TLN1: variants seen among roughly 807,000 people sequenced by gnomAD.
TLN1 encodes talin 1.
TLN1 carries 56 observed loss-of-function variants against 292.3 expected under a neutral mutation model. The ratio of observed to expected loss-of-function variants is 0.19; its 90% CI spans 0.15 to 0.24. TLN1 has a LOEUF of 0.24. Among genes scored for constraint, TLN1 ranks in the 10% least tolerant of loss-of-function variants. The probability of loss-of-function intolerance (pLI) is 1.00; values close to 1 mark genes in which losing one functional copy is unlikely to be tolerated. For synonymous variants in TLN1, 1,119 were observed against 1,253.7 expected, an observed-to-expected ratio of 0.89 and a Z score of 2.27; for missense variants, 2,433 against 3,248.2, an observed-to-expected ratio of 0.75 and a Z score of 6.10.
rs1825747879 is a variant in TLN1 at position 35,714,770 on chromosome 9, T to C, written c.2861A>G (p.Gln954Arg). The change falls in exon 22 of 57, where the codon CAG becomes CGG. Residue 954 changes from glutamine to arginine, a missense_variant. Physicochemically the swap from Gln to Arg is conservative, Grantham distance 43 (BLOSUM62 1). Around this residue, in one of 7 missense-constraint regions of TLN1, gnomAD observed 617 missense variants for 770.6 expected, o/e 0.80. Coordinates refer to ENST00000314888, the MANE Select transcript of TLN1 (RefSeq NM_006289.4). The surrounding 1 kb of genome is among the most constrained non-coding windows in gnomAD (Gnocchi z 4.6). ...TTCCTAGAGTCTTACCTTGCAGCTCTGCACCAGCAGGGGCTGGGGGCCGGC... is the reference window on the plus strand; with the variant it reads ...TTCCTAGAGTCTTACCTTGCAGCTCCGCACCAGCAGGGGCTGGGGGCCGGC... ...ASAGPQPLLV[Q>R]SCKAVAEQIP... The C allele has an allele frequency of 1.3e-6, 2 of 1,595,824 alleles. No individual in the cohort carries two copies. The highest frequency in any genetic ancestry group is 1.7e-6 in the Non-Finnish European group (2 of 1,170,042).
chr9:35,719,226 A>T lies in TLN1; in HGVS notation c.1744T>A (p.Ser582Thr), dbSNP rs1030761518. Residue 582 changes from serine to threonine, a missense_variant, in exon 16 of 57, where the codon TCC becomes ACC. Physicochemically the swap from Ser to Thr is moderately conservative, Grantham distance 58. Transcript: ENST00000314888. This position sits in a 1 kb window ranked among gnomAD's most constrained non-coding sequence, Gnocchi z 4.6. The stretch of plus-strand genomic sequence containing the variant: ...CCACGGGACATCTCCGTCAGGTTGG[A>T]GGAGATTGTGGTGACTGCACAGCCC... ...AVGCAVTTIS[S>T]NLTEMSRGVK... is the part of the protein sequence containing the mutation. The T allele has an allele frequency of 6.2e-7, 1 of 1,614,048 alleles. No homozygotes were observed. The highest frequency in any genetic ancestry group is 8.5e-7 in the Non-Finnish European group (1 of 1,180,024).
chr9:35,701,662 A>T (rs1451360689), intron 48 of TLN1, among the ~76,000 whole-genome samples: 2 of 152,268 alleles, frequency 1.3e-5, no homozygotes, highest in Non-Finnish European at 2.9e-5. Flanking sequence ...GACTGGATAG[A>T]GACTACTGCA....
chr9:35,698,655 G>T lies in TLN1; in HGVS notation c.7150C>A (p.Leu2384Met). ...GKVGAIPANA[L>M]DDGQWSQGLI... ...CCCTGGGACCACTGCCCATCGTCCAGTGCATTGGCTGGAATGGCACCCACC... is the reference window on the plus strand; with the variant it reads ...CCCTGGGACCACTGCCCATCGTCCATTGCATTGGCTGGAATGGCACCCACC... The change falls in exon 54 of 57, where the codon CTG (leucine) becomes ATG (methionine). Residue 2384 changes from leucine to methionine, a missense_variant. Leu to Met is a conservative substitution (Grantham distance 15). Coordinates refer to ENST00000314888, the MANE Select transcript of TLN1 (RefSeq NM_006289.4). This position sits in a 1 kb window ranked among gnomAD's most constrained non-coding sequence, Gnocchi z 5.3. The T allele has an allele frequency of 6.2e-7, 1 of 1,614,162 alleles. No homozygotes were observed. The highest frequency in any genetic ancestry group is 1.1e-5 in the South Asian group (1 of 91,082).
chr9:35,720,993 T>C, intron 10 of TLN1, 80 bp from the exon 11 acceptor site: 1 of 1,108,448 alleles, frequency 9.0e-7, no homozygotes, highest in Non-Finnish European at 1.4e-6. Flanking sequence ...AGGCCCAAGG[T>C]TGAGCTGATG....
chr9:35,707,059 C>T lies in TLN1; in HGVS notation c.4955+13G>A. 1 of 1,611,244 alleles carries T rather than the reference C, an allele frequency of 6.2e-7. No homozygotes were observed. The highest frequency in any genetic ancestry group is 8.5e-7 in the Non-Finnish European group (1 of 1,179,230). ...ATGCCCCCCAGCCACACTGGTTCCC[C>T]ATCCCTCAATACCTCATGCTTGTAA... On this transcript the variant is annotated intron_variant, in intron 37 of 56. Transcript: ENST00000314888. This position sits in a 1 kb window ranked among gnomAD's most constrained non-coding sequence, Gnocchi z 5.6.
chr9:35,703,529 C>G (rs751249968), intron 48 of TLN1, 31 bp downstream of exon 48: 1 of 1,591,568 alleles, frequency 6.3e-7, no homozygotes, highest in Non-Finnish European at 8.6e-7. Flanking sequence ...CTCTCTGACC[C>G]TAGTCACTGA....
Position 35,713,022 on chromosome 9 carries a change from G to A in TLN1, c.3374C>T (p.Ala1125Val). The A allele has an allele frequency of 6.2e-7, 1 of 1,608,944 alleles. No homozygotes were observed. Among genetic ancestry groups the A allele is most frequent in the Non-Finnish European group, 8.5e-7 (1 of 1,177,960 alleles). Residue 1125 changes from alanine to valine, a missense_variant, in exon 27 of 57, where the codon GCA (alanine) becomes GTA (valine). Ala to Val is a moderately conservative substitution (Grantham distance 64). Coordinates refer to ENST00000314888, the MANE Select transcript of TLN1 (RefSeq NM_006289.4). ...CTGGGCCAGTGACCGCAGCCCACCT[G>A]CCACATCCCGAGCTGCAATACCTTG... is the stretch of plus-strand genomic sequence containing the variant. ...NYAGIAARDV[A>V]GGLRSLAQAA...
rs771977833 is a variant in TLN1 at position 35,705,847 on chromosome 9, T to C, written c.5516A>G (p.Asp1839Gly). ...TTCTGGTTCACCCATTGGTCCTTCA[T>C]CTAGCTGAGGGGGGAGGATAGGGAA... Reference protein sequence around the residue: ...DSITQAINQLDEGPMGEPEGS... With the variant: ...DSITQAINQLGEGPMGEPEGS... The change falls in exon 42 of 57, where the codon GAT becomes GGT. Residue 1839 changes from aspartate (D) to glycine (G), a missense_variant. Physicochemically the swap from Asp to Gly is moderately conservative, Grantham distance 94 (BLOSUM62 -1). Transcript: ENST00000314888. 1.5e-5 allele frequency: 24 copies of C among 1,614,188 alleles called. No homozygotes were observed. In the Middle Eastern group the frequency reaches 4.9e-4, roughly 33 times the overall value.
In TLN1 at chr9:35,700,177, T is replaced by G. The variant is rs1299330386; in HGVS notation, c.6660+14A>C. On this transcript the variant is annotated intron_variant, in intron 49 of 56. Transcript: ENST00000314888. ...CCCAAAGCTGCCTCACGGAAATGCCTCAAGGATTTCTACCTTGCAAGCCCG... is the reference window on the plus strand; with the variant it reads ...CCCAAAGCTGCCTCACGGAAATGCCGCAAGGATTTCTACCTTGCAAGCCCG... 3.1e-6 allele frequency: 5 copies of G among 1,595,242 alleles called. No homozygotes were observed. The highest frequency in any genetic ancestry group is 4.3e-6 in the Non-Finnish European group (5 of 1,164,570).
intron 48 of TLN1, among the ~76,000 whole-genome samples, chr9:35,702,984 T>A (rs1310249970): frequency 2.0e-5 from 3 of 151,998 alleles, no homozygotes; most frequent in Non-Finnish European, 4.4e-5. Flanking sequence ...TGCTAAGGAA[T>A]AAACAAGTGG....
In TLN1 at chr9:35,724,735, A is replaced by G. The variant is rs746066961; in HGVS notation, c.359-11T>C. ...CATGATTGGTGATGCCTGAGGAAGG[A>G]GATGGCTTGTTAGCTTCCCAGGTAC... is the stretch of plus-strand genomic sequence containing the variant. On this transcript the variant is annotated splice_polypyrimidine_tract_variant and intron_variant, in intron 4 of 56. Transcript: ENST00000314888. The surrounding 1 kb of genome is among the most constrained non-coding windows in gnomAD (Gnocchi z 4.7). The G allele has an allele frequency of 1.9e-4, 305 of 1,613,918 alleles. No homozygotes were observed. The highest frequency in any genetic ancestry group is 2.5e-4 in the Non-Finnish European group (291 of 1,179,996).
chr9:35,723,672 C>T (rs369518820), intron 7 of TLN1: 1 of 383,590 alleles, frequency 2.6e-6, no homozygotes. Context: ...CGGTTTCCCT[C>T]TGGCTACTGC....
chr9:35,717,797 A>G lies in TLN1; in HGVS notation c.1996-11T>C, dbSNP rs1426215286. ...CTGCATTAGCGCATCCTGTGAGAAA[A>G]CAGCAGTTAGCATGACCTGAGATTG... On this transcript the variant is annotated splice_polypyrimidine_tract_variant and intron_variant, in intron 17 of 56. Coordinates refer to ENST00000314888, the MANE Select transcript of TLN1 (RefSeq NM_006289.4). The surrounding 1 kb of genome is among the most constrained non-coding windows in gnomAD (Gnocchi z 4.7). 6.3e-7 allele frequency: 1 copy of G among 1,589,584 alleles called. No homozygotes were observed. Among genetic ancestry groups the G allele is most frequent in the Admixed American group, 1.7e-5 (1 of 59,252 alleles).
chr9:35,714,565 G>A lies in TLN1; in HGVS notation c.2985+9C>T, dbSNP rs769941097. ...GTCAGGTCAGAGAAGTGCAGAGGGGGTGCCTTGCCTGCAGGAAGCTCTGGC... is the reference window on the plus strand; with the variant it reads ...GTCAGGTCAGAGAAGTGCAGAGGGGATGCCTTGCCTGCAGGAAGCTCTGGC... On this transcript the variant is annotated intron_variant, in intron 23 of 56. Transcript: ENST00000314888. This position sits in a 1 kb window ranked among gnomAD's most constrained non-coding sequence, Gnocchi z 4.6. 8 of 1,607,364 alleles carry A rather than the reference G, an allele frequency of 5.0e-6. No individual in the cohort carries two copies. In the East Asian group the frequency reaches 1.3e-4, roughly 27 times the overall value.
Position 35,724,624 on chromosome 9 carries a change from T to C in TLN1, c.459A>G (p.Arg153=), listed in dbSNP as rs1257466428. 1 of 1,614,218 alleles carries C rather than the reference T, an allele frequency of 6.2e-7. No individual in the cohort carries two copies. The highest frequency in any genetic ancestry group is 8.5e-7 in the Non-Finnish European group (1 of 1,180,032). Residue 153 remains arginine (R), a synonymous_variant, in exon 5 of 57, where the codon CGA becomes CGG. Coordinates refer to ENST00000314888, the MANE Select transcript of TLN1 (RefSeq NM_006289.4). The surrounding 1 kb of genome is among the most constrained non-coding windows in gnomAD (Gnocchi z 4.7). ...GTLRKDKTLL[R]DEKKMEKLKQ... is the part of the protein sequence containing the mutation. ...TTAGTTTCTCCATCTTCTTTTCATC[T>C]CGCAGCAATGTCTTGTCCTTTCTTA... is the stretch of plus-strand genomic sequence containing the variant.
At chr9:35,709,849 T>C (rs1825630153) in intron 33 of TLN1, among the ~76,000 whole-genome samples, 1 of 118,602 alleles carries the variant, frequency 8.4e-6, no homozygotes, top group Non-Finnish European at 1.6e-5. Context: ...ATCGCGCCAC[T>C]GCACTCCAGC....
At position 35,714,063 on chromosome 9, in the gene TLN1, G is replaced by C; in HGVS notation, c.3139C>G (p.Pro1047Ala). ...AAQKAQEACG[P>A]LEMDSALSVV... ...CTCAGTGCAGAATCCATCTCCAAAGGTCCACATGCTTCCTGAGCCTATGAT... is the reference window on the plus strand; with the variant it reads ...CTCAGTGCAGAATCCATCTCCAAAGCTCCACATGCTTCCTGAGCCTATGAT... The change falls in exon 25 of 57, where the codon CCT becomes GCT. Residue 1047 changes from proline to alanine, a missense_variant. Pro to Ala is a conservative substitution (Grantham distance 27). Coordinates refer to ENST00000314888, the MANE Select transcript of TLN1 (RefSeq NM_006289.4). The surrounding 1 kb of genome is among the most constrained non-coding windows in gnomAD (Gnocchi z 4.6). 1 of 1,614,140 alleles carries C rather than the reference G, an allele frequency of 6.2e-7. No individual in the cohort carries two copies. The highest frequency in any genetic ancestry group is 1.7e-5 in the Admixed American group (1 of 60,006).
At chr9:35,730,052 C>T (rs1046007229) in intron 1 of TLN1, among the ~76,000 whole-genome samples, 3 of 151,748 alleles carry the variant, frequency 2.0e-5, no homozygotes, top group African/African-American at 7.3e-5. Context: ...ACATATATGA[C>T]CAGTCACTGC....
Position 35,704,366 on chromosome 9 carries a change from T to G in TLN1, c.6013A>C (p.Asn2005His). The change falls in exon 45 of 57, where the codon AAT becomes CAT. Residue 2005 changes from asparagine (N) to histidine (H), a missense_variant. Coordinates refer to ENST00000314888, the MANE Select transcript of TLN1 (RefSeq NM_006289.4). This position sits in a 1 kb window ranked among gnomAD's most constrained non-coding sequence, Gnocchi z 6.9. Reference protein sequence around the residue: ...TIMFATAGTLNREGTETFADH... With the variant: ...TIMFATAGTLHREGTETFADH... ...GCGAAAGTTTCAGTACCCTCACGAT[T>G]GAGCGTGCCAGCAGTGGCGAACATG... The G allele has an allele frequency of 6.2e-7, 1 of 1,614,134 alleles. No individual in the cohort carries two copies. Among genetic ancestry groups the G allele is most frequent in the South Asian group, 1.1e-5 (1 of 91,072 alleles).
Sources: gnomAD v4.1 joint callset for allele counts (sites outside exome capture counted in the v4.1 genomes callset) on GRCh38, gnomAD v4.1.1 for gene constraint, gnomAD v4.1.1 regional missense constraint, Gnocchi (gnomAD v3.1) non-coding constraint, MANE v1.5 for transcripts, NCBI Gene and HGNC (gene_info 2026-07-23, HGNC 2026-07-21) for gene names.